The following KIAA1217 variants were observed in gnomAD, a reference collection of about 807,000 sequenced individuals.
The protein encoded by KIAA1217 is sickle tail protein homolog.
In KIAA1217, 88 loss-of-function variants were observed where a neutral mutation model predicts 163.9. The observed-to-expected ratio is 0.54, with a 90% CI of 0.45 to 0.64. The LOEUF is 0.64. Ranked by LOEUF, KIAA1217 falls within the 30% of genes least tolerant of loss-of-function variation. The pLI is 0.00. For missense variants in KIAA1217, 2,372 were observed against 2,475.0 expected (o/e 0.96, Z 0.88); for synonymous variants, 903 against 923.1 (o/e 0.98, Z 0.39).
At chr10:23,994,979 G>A (rs1846401379) in intron 1 of KIAA1217, among the ~76,000 whole-genome samples, 1 of 152,044 alleles carries the variant, frequency 6.6e-6, no homozygotes, top group Non-Finnish European at 1.5e-5. Flanking sequence ...CCCTTACCCT[G>A]AGCTGTAAAA....
intron 3 of KIAA1217, among the ~76,000 whole-genome samples, chr10:24,431,795 G>T (rs1359341158): frequency 5.3e-5 from 8 of 152,194 alleles, no homozygotes; most frequent in African/African-American, 1.9e-4. Context: ...CTCCACAGAT[G>T]GGTGAGTGCT....
At chr10:24,213,696 G>T (rs182641092) in intron 1 of KIAA1217, among the ~76,000 whole-genome samples, 80 of 152,262 alleles carry the variant, frequency 5.3e-4, no homozygotes, top group Admixed American at 4.4e-3. Context: ...ATGAATGAAT[G>T]AATGAATCAA....
intron 2 of KIAA1217, among the ~76,000 whole-genome samples, chr10:24,308,487 C>G (rs1292572567): frequency 6.6e-6 from 1 of 152,248 alleles, no homozygotes; most frequent in East Asian, 1.9e-4. Flanking sequence ...GCAATCCCCT[C>G]TGCCCTTTTA....
chr10:23,818,038 C>CACATATATATATACAT (rs1564448088), intron 1 of KIAA1217, among the ~76,000 whole-genome samples: 24 of 61,506 alleles, frequency 3.9e-4, no homozygotes, highest in African/African-American at 1.4e-3. Context: ...CATATATATA[C>CACATATATATATACAT]ATATATATAC....
chr10:23,842,255 G>C (rs1478213648), intron 1 of KIAA1217, among the ~76,000 whole-genome samples: 1 of 152,090 alleles, frequency 6.6e-6, no homozygotes, highest in Admixed American at 6.6e-5. Flanking sequence ...CAAGATAGGG[G>C]AATAAATGGT....
chr10:24,462,808 T>C (rs1290664871), intron 5 of KIAA1217, among the ~76,000 whole-genome samples: 3 of 152,226 alleles, frequency 2.0e-5, no homozygotes, highest in East Asian at 1.9e-4. Flanking sequence ...ATATCCTATA[T>C]GGCAACATGT....
At chr10:24,186,779 A>G (rs570047999) in intron 2 of KIAA1217, among the ~76,000 whole-genome samples, 2 of 152,154 alleles carry the variant, frequency 1.3e-5, no homozygotes, top group African/African-American at 2.4e-5. Context: ...AATCCCAGCT[A>G]TCATGGAGGC....
chr10:23,709,200 T>C (rs899743566), intron 1 of KIAA1217, among the ~76,000 whole-genome samples: 4 of 152,086 alleles, frequency 2.6e-5, no homozygotes, highest in Admixed American at 6.6e-5. Context: ...TATTCGGCTA[T>C]AGCAGTAGTG....
intron 1 of KIAA1217, among the ~76,000 whole-genome samples, chr10:23,742,691 A>G (rs547294342): frequency 1.1e-4 from 16 of 152,350 alleles, no homozygotes; most frequent in Admixed American, 7.8e-4. Flanking sequence ...ATCCACCCTC[A>G]TGACAAAAAC....
chr10:24,224,722 G>A (rs1289070718), intron 2 of KIAA1217, among the ~76,000 whole-genome samples: 1 of 151,600 alleles, frequency 6.6e-6, no homozygotes, highest in African/African-American at 2.4e-5. Context: ...ATCTTTTACT[G>A]TTTCACTGGC....
chr10:23,793,396 C>T (rs1252073566), intron 1 of KIAA1217, among the ~76,000 whole-genome samples: 5 of 152,212 alleles, frequency 3.3e-5, no homozygotes, highest in Admixed American at 3.3e-4. Context: ...CTGATGGCTT[C>T]CTGGCTGAAG....
intron 2 of KIAA1217, among the ~76,000 whole-genome samples, chr10:24,226,036 G>A (rs2070473567): frequency 6.6e-6 from 1 of 152,160 alleles, no homozygotes; most frequent in African/African-American, 2.4e-5. Context: ...AGTTTGAGCA[G>A]TCAGAAAGAA....
intron 2 of KIAA1217, among the ~76,000 whole-genome samples, chr10:24,357,814 G>T (rs2049315168): frequency 6.6e-6 from 1 of 152,170 alleles, no homozygotes; most frequent in Admixed American, 6.5e-5. Flanking sequence ...GGGGAGTCGG[G>T]GTGATAGATT....
At chr10:23,980,972 C>G (rs1201101708) in intron 1 of KIAA1217, among the ~76,000 whole-genome samples, 2 of 152,186 alleles carry the variant, frequency 1.3e-5, no homozygotes, top group Non-Finnish European at 2.9e-5. Flanking sequence ...CATTTGTCTT[C>G]TCAACATTAG....
At chr10:23,964,868 T>A (rs1475956754) in intron 1 of KIAA1217, among the ~76,000 whole-genome samples, 2 of 152,204 alleles carry the variant, frequency 1.3e-5, no homozygotes, top group African/African-American at 4.8e-5. Context: ...AGTTGAATTC[T>A]TAATCCAGTG....
chr10:23,759,081 T>C (rs1248606818), intron 1 of KIAA1217, among the ~76,000 whole-genome samples: 3 of 152,240 alleles, frequency 2.0e-5, no homozygotes, highest in African/African-American at 4.8e-5. Context: ...ATTTATTTCT[T>C]CTTTAGTTTG....
intron 1 of KIAA1217, among the ~76,000 whole-genome samples, chr10:23,808,126 C>G (rs1836830471): frequency 6.6e-6 from 1 of 152,140 alleles, no homozygotes; most frequent in Non-Finnish European, 1.5e-5. Context: ...GGTGGGGAAC[C>G]CAGTACTGAG....
chr10:23,812,795 TG>T lies in KIAA1217; in HGVS notation c.-321+117563del, dbSNP rs546782977. On this transcript the variant is annotated intron_variant, in intron 1 of 18. Transcript: ENST00000376462. ...TTTATAGATGGAATCACGCAGTATG[TG>T]GTTTTTTGTGTGTGTGTGATTGGCT... Among the ~76,000 whole-genome samples, 569 of 152,320 alleles carry T rather than the reference TG, an allele frequency of 3.7e-3. 9 individuals carry two copies. Among genetic ancestry groups the T allele is most frequent in the African/African-American group, 0.013 (524 of 41,566 alleles).
intron 2 of KIAA1217, among the ~76,000 whole-genome samples, chr10:24,185,593 G>C (rs1005407240): frequency 2.6e-5 from 4 of 152,098 alleles, no homozygotes; most frequent in Non-Finnish European, 5.9e-5. Context: ...TAAGGAGTGC[G>C]AGACCAGCCT....
Sources: gnomAD v4.1 joint callset for allele counts (sites outside exome capture counted in the v4.1 genomes callset) on GRCh38, gnomAD v4.1.1 for gene constraint, MANE v1.5 for transcripts, NCBI Gene and HGNC (gene_info 2026-07-23, HGNC 2026-07-21) for gene names.